Variants in ADAMTSL1 observed in about 807,000 individuals in gnomAD.
ADAMTSL1 encodes ADAMTS like 1, also known as ADAMTS-like protein 1.
A neutral mutation model predicts 201.8 loss-of-function variants in ADAMTSL1; 126 were observed. The observed-to-expected ratio is 0.62, with a 90% CI of 0.54 to 0.72. The LOEUF is 0.72. ADAMTSL1 is among the 30% of genes least tolerant of loss of function. The pLI, the probability that ADAMTSL1 is intolerant of heterozygous loss-of-function variation, is 0.00. For missense variants in ADAMTSL1, 2,679 were observed against 2,277.8 expected (o/e 1.18, Z -3.59); for synonymous variants, 1,121 against 903.4 (o/e 1.24, Z -4.32).
chr9:18,555,354 C>T lies in ADAMTSL1; in HGVS notation c.238-18676C>T, dbSNP rs1821043009. Among the ~76,000 whole-genome samples the T allele has an allele frequency of 2.6e-5, 4 of 151,892 alleles. No homozygotes were observed. In the South Asian group the frequency reaches 6.2e-4, roughly 24 times the overall value. On this transcript the variant is annotated intron_variant, in intron 3 of 28. Coordinates refer to ENST00000380548, the MANE Select transcript of ADAMTSL1 (RefSeq NM_001040272.6). ...ATTGTTTTTGTCTCTGAGGAAACTT[C>T]CTTGCCAGCCCAGCTGTGTATTAAC...
intron 23 of ADAMTSL1, among the ~76,000 whole-genome samples, chr9:18,833,220 T>A (rs577358884): frequency 1.3e-5 from 2 of 152,210 alleles, no homozygotes; most frequent in African/African-American, 4.8e-5. Flanking sequence ...GGCTTAGACA[T>A]AGAAATGCCC....
At chr9:18,360,995 C>T (rs1836493351) in intron 2 of ADAMTSL1, among the ~76,000 whole-genome samples, 1 of 152,042 alleles carries the variant, frequency 6.6e-6, no homozygotes, top group Non-Finnish European at 1.5e-5. Context: ...AAATGTATCT[C>T]AGAAAAATGG....
At chr9:18,790,225 C>G (rs968214762) in intron 19 of ADAMTSL1, among the ~76,000 whole-genome samples, 2 of 151,944 alleles carry the variant, frequency 1.3e-5, no homozygotes, top group African/African-American at 4.8e-5. Flanking sequence ...GTATTAGCCT[C>G]AATTTATAGA....
At chr9:18,218,285 A>G (rs1318390485) in intron 2 of ADAMTSL1, among the ~76,000 whole-genome samples, 12 of 152,192 alleles carry the variant, frequency 7.9e-5, no homozygotes, top group Admixed American at 7.9e-4. Context: ...CTTTTAAAAT[A>G]CTCATGGACA....
chr9:18,663,926 T>C (rs1829269073), intron 9 of ADAMTSL1, among the ~76,000 whole-genome samples: 1 of 152,114 alleles, frequency 6.6e-6, no homozygotes, highest in African/African-American at 2.4e-5. Flanking sequence ...GTGAAAGAAG[T>C]CTGCCTGTGC....
chr9:18,690,469 G>A (rs1381231276), intron 13 of ADAMTSL1, among the ~76,000 whole-genome samples: 2 of 152,088 alleles, frequency 1.3e-5, no homozygotes, highest in Non-Finnish European at 2.9e-5. Context: ...TAAGGTACCT[G>A]AATTATATTC....
chr9:18,724,260 C>T (rs775728782), intron 15 of ADAMTSL1, among the ~76,000 whole-genome samples: 3 of 152,190 alleles, frequency 2.0e-5, no homozygotes, highest in Admixed American at 6.5e-5. Flanking sequence ...AGTTAGGGAG[C>T]CACTTTTTTT....
chr9:18,840,424 T>C (rs1389168147), intron 23 of ADAMTSL1, among the ~76,000 whole-genome samples: 1 of 152,184 alleles, frequency 6.6e-6, no homozygotes, highest in Admixed American at 6.5e-5. Context: ...TACCATGGTG[T>C]TTTGGTTACT....
At chr9:18,130,456 T>C (rs1036129402) in intron 1 of ADAMTSL1, among the ~76,000 whole-genome samples, 16 of 152,210 alleles carry the variant, frequency 1.1e-4, no homozygotes, top group African/African-American at 3.6e-4. Flanking sequence ...GATGAAAATT[T>C]GACCAATTAT....
intron 19 of ADAMTSL1, among the ~76,000 whole-genome samples, chr9:18,788,140 G>A (rs541543395): frequency 6.6e-6 from 1 of 152,248 alleles, no homozygotes; most frequent in East Asian, 1.9e-4. Context: ...TAGCCAAATG[G>A]TGATATGAAA....
At chr9:18,070,297 A>T (rs1822905058) in intron 1 of ADAMTSL1, among the ~76,000 whole-genome samples, 1 of 152,202 alleles carries the variant, frequency 6.6e-6, no homozygotes, top group African/African-American at 2.4e-5. Flanking sequence ...AGTGCTGGGA[A>T]ACCCATCTGA....
At chr9:18,712,506 A>G (rs1244150095) in intron 14 of ADAMTSL1, among the ~76,000 whole-genome samples, 1 of 152,078 alleles carries the variant, frequency 6.6e-6, no homozygotes, top group African/African-American at 2.4e-5. Context: ...TCAGCGATGG[A>G]AGATGAAATG....
chr9:18,254,489 C>T (rs2493743), intron 2 of ADAMTSL1, among the ~76,000 whole-genome samples: 3 of 150,228 alleles, frequency 2.0e-5, no homozygotes, highest in Admixed American at 6.6e-5. Context: ...CAGCCTCCCA[C>T]GTAGCTGGGA....
intron 23 of ADAMTSL1, among the ~76,000 whole-genome samples, chr9:18,841,822 C>T (rs551658005): frequency 1.7e-4 from 26 of 152,290 alleles, no homozygotes; most frequent in African/African-American, 3.4e-4. Context: ...AGTTTATTTG[C>T]GTAGAGGTGT....
At chr9:18,622,667 C>G (rs1826111577) in intron 5 of ADAMTSL1, 1 of 533,856 alleles carries the variant, frequency 1.9e-6, no homozygotes, top group Non-Finnish European at 3.3e-6. Context: ...TGAGGACAGA[C>G]TGTATCCCAG....
intron 23 of ADAMTSL1, among the ~76,000 whole-genome samples, chr9:18,844,716 G>C (rs551426549): frequency 1.3e-5 from 2 of 152,352 alleles, no homozygotes; most frequent in East Asian, 3.9e-4. Flanking sequence ...TGGCTGCTTT[G>C]TTTACCTAAG....
chr9:18,592,298 C>A (rs1458162532), intron 4 of ADAMTSL1, among the ~76,000 whole-genome samples: 2 of 152,180 alleles, frequency 1.3e-5, no homozygotes, highest in Non-Finnish European at 2.9e-5. Flanking sequence ...ACATCACAAT[C>A]CAATCAAGAA....
chr9:18,540,632 A>G (rs1564030095), intron 3 of ADAMTSL1, among the ~76,000 whole-genome samples: 1 of 152,148 alleles, frequency 6.6e-6, no homozygotes, highest in African/African-American at 2.4e-5. Flanking sequence ...TTCATAAGGG[A>G]CATTCTTAGC....
chr9:18,648,811 G>T (rs1347538550), intron 7 of ADAMTSL1, among the ~76,000 whole-genome samples: 1 of 151,964 alleles, frequency 6.6e-6, no homozygotes, highest in Non-Finnish European at 1.5e-5. Context: ...CTCTCTGGCT[G>T]CCCTTAACAT....
Sources: gnomAD v4.1 joint callset for allele counts (sites outside exome capture counted in the v4.1 genomes callset) on GRCh38, gnomAD v4.1.1 for gene constraint, MANE v1.5 for transcripts, NCBI Gene and HGNC (gene_info 2026-07-23, HGNC 2026-07-21) for gene names.